The following KMT5B variants were observed in gnomAD, a reference collection of about 807,000 sequenced individuals.
The protein encoded by KMT5B is histone-lysine N-methyltransferase KMT5B.
KMT5B carries 10 observed loss-of-function variants against 83.2 expected under a neutral mutation model. That is an observed-to-expected ratio of 0.12 (90% CI 0.07 to 0.20). The LOEUF (loss-of-function observed/expected upper bound fraction) is 0.20. KMT5B is among the 10% of genes least tolerant of loss of function. The probability of loss-of-function intolerance (pLI) is 1.00; values close to 1 mark genes in which losing one functional copy is unlikely to be tolerated. For synonymous variants in KMT5B, 349 were observed against 388.8 expected (o/e 0.90, Z 1.20); for missense variants, 753 against 1,067.2 (o/e 0.71, Z 4.10).
At chr11:68,209,867 C>CT (rs368207944) in intron 1 of KMT5B, among the ~76,000 whole-genome samples, 2,053 of 141,408 alleles carry the variant, frequency 0.015, 10 homozygotes, top group Middle Eastern at 0.023. Flanking sequence ...TTCTTTCCCC[C>CT]TTTTTTTTTT....
At position 68,157,639 on chromosome 11, in the gene KMT5B, T is replaced by A; in HGVS notation, c.*49A>T. ...CAGTTGAGGAATAATTGACTGGAAT[T>A]TTTTATTTCTTTAAAGTAGTTATCC... On this transcript the variant is annotated 3_prime_UTR_variant, in exon 11 of 11. Transcript: ENST00000304363. 6.7e-7 allele frequency: 1 copy of A among 1,492,250 alleles called. No individual in the cohort carries two copies. The highest frequency in any genetic ancestry group is 8.9e-7 in the Non-Finnish European group (1 of 1,125,052). 92.4% of individuals were successfully genotyped at this position (1,492,250 alleles called of 1,614,324 possible).
chr11:68,211,227 GT>G (rs2153094660), intron 1 of KMT5B, among the ~76,000 whole-genome samples: 1 of 152,230 alleles, frequency 6.6e-6, no homozygotes, highest in South Asian at 2.1e-4. Context: ...GTCTCTCCCT[GT>G]CAGAGTCCGC....
intron 1 of KMT5B, among the ~76,000 whole-genome samples, chr11:68,198,473 AAG>A (rs1859004799): frequency 8.7e-6 from 1 of 115,554 alleles, no homozygotes; most frequent in South Asian, 2.5e-4. Context: ...AAGACAAGAC[AAG>A]ACAAGACAAG....
chr11:68,184,905 G>A lies in KMT5B; in HGVS notation c.308+876C>T, dbSNP rs1158753343. 3.9e-5 allele frequency among the ~76,000 whole-genome samples: 6 copies of A among 152,168 alleles called. No individual in the cohort carries two copies. In the East Asian group the frequency reaches 9.6e-4, roughly 24 times the overall value. On this transcript the variant is annotated intron_variant, in intron 3 of 10. Transcript: ENST00000304363. ...AAAGATGACAGATTTCAAGATTAAT[G>A]TAATAATGTTTTTTATATACAGCAT...
chr11:68,171,688 T>C lies in KMT5B; in HGVS notation c.675A>G (p.Glu225=). The C allele has an allele frequency of 6.2e-7, 1 of 1,612,694 alleles. No individual in the cohort carries two copies. Among genetic ancestry groups the C allele is most frequent in the South Asian group, 1.1e-5 (1 of 90,630 alleles). The change falls in exon 7 of 11, where the codon GAA becomes GAG. Residue 225 remains glutamate, a synonymous_variant. Coordinates refer to ENST00000304363, the MANE Select transcript of KMT5B (RefSeq NM_017635.5). The surrounding 1 kb of genome is among the most constrained non-coding windows in gnomAD (Gnocchi z 5.1). The stretch of plus-strand genomic sequence containing the variant: ...GTTCGGCAATACAACCCACCAGTAA[T>C]TCTATTTTGTCATTTCGTTTCCTAT... ...TKEWKRNDKI[E]LLVGCIAELS...
At position 68,199,086 on chromosome 11, in the gene KMT5B, G is replaced by C. The variant is rs371374337; in HGVS notation, c.-76-8934C>G. On this transcript the variant is annotated intron_variant, in intron 1 of 10. Coordinates refer to ENST00000304363, the MANE Select transcript of KMT5B (RefSeq NM_017635.5). ...TTGGTGCAAAAGTAATAAAGTAATT[G>C]CGTTGTTTTTTTTTTAGTTACAAAT... 2.8e-4 allele frequency among the ~76,000 whole-genome samples: 42 copies of C among 152,142 alleles called. 1 individual carries two copies. In the South Asian group the frequency reaches 8.7e-3, roughly 31 times the overall value.
chr11:68,165,932 CT>C, intron 10 of KMT5B: 1 of 1,612,886 alleles, frequency 6.2e-7, no homozygotes, highest in Non-Finnish European at 8.5e-7. Context: ...AACACCTTCC[CT>C]TTTCTTCAGG....
At chr11:68,208,340 G>A (rs1476748462) in intron 1 of KMT5B, among the ~76,000 whole-genome samples, 3 of 150,816 alleles carry the variant, frequency 2.0e-5, no homozygotes, top group Non-Finnish European at 3.0e-5. Context: ...CCAGCTACTC[G>A]GGAGGCTGAG....
chr11:68,182,248 C>T (rs1857005901), intron 3 of KMT5B, among the ~76,000 whole-genome samples: 1 of 152,160 alleles, frequency 6.6e-6, no homozygotes, highest in Non-Finnish European at 1.5e-5. Context: ...TTTTTATCCA[C>T]TTAGCACGTC....
intron 1 of KMT5B, among the ~76,000 whole-genome samples, chr11:68,205,556 T>A (rs960723206): frequency 2.6e-5 from 4 of 152,140 alleles, no homozygotes; most frequent in Non-Finnish European, 4.4e-5. Flanking sequence ...GAATTTCTCA[T>A]TGAGCAAAAC....
At chr11:68,200,080 G>A (rs1224845080) in intron 1 of KMT5B, among the ~76,000 whole-genome samples, 1 of 152,108 alleles carries the variant, frequency 6.6e-6, no homozygotes, top group East Asian at 1.9e-4. Context: ...CTGGATACCA[G>A]GGTCTGGAGT....
At chr11:68,162,049 T>A (rs1854913851) in intron 10 of KMT5B, among the ~76,000 whole-genome samples, 1 of 152,166 alleles carries the variant, frequency 6.6e-6, no homozygotes, top group Admixed American at 6.5e-5. Flanking sequence ...CCTCCTTGAC[T>A]CCTGCTCTCC....
chr11:68,189,946 T>C lies in KMT5B; in HGVS notation c.131A>G (p.Lys44Arg). 1.2e-6 allele frequency: 2 copies of C among 1,614,232 alleles called. No individual in the cohort carries two copies. Among genetic ancestry groups the C allele is most frequent in the Non-Finnish European group, 1.7e-6 (2 of 1,180,046 alleles). Residue 44 changes from lysine to arginine, a missense_variant, in exon 2 of 11, where the codon AAA (lysine) becomes AGA (arginine). Coordinates refer to ENST00000304363, the MANE Select transcript of KMT5B (RefSeq NM_017635.5). ...HTGKDTLKAG[K>R]NAVERRSNRC... is the part of the protein sequence containing the mutation. ...GTTCGACCTCCTCTCGACTGCATTT[T>C]TGCCAGCCTTCAGGGTGTCCTTCCC...
chr11:68,162,225 G>A (rs928400978), intron 10 of KMT5B, among the ~76,000 whole-genome samples: 2 of 152,166 alleles, frequency 1.3e-5, no homozygotes, highest in African/African-American at 4.8e-5. Flanking sequence ...CCACCACATA[G>A]CCAGGATGAC....
chr11:68,170,037 T>C (rs965583573), intron 9 of KMT5B, among the ~76,000 whole-genome samples: 1 of 152,158 alleles, frequency 6.6e-6, no homozygotes, highest in Non-Finnish European at 1.5e-5. Flanking sequence ...CACCACACAG[T>C]TGGAAATCCC....
chr11:68,193,186 T>C (rs1858292490), intron 1 of KMT5B, among the ~76,000 whole-genome samples: 1 of 152,176 alleles, frequency 6.6e-6, no homozygotes, highest in Admixed American at 6.5e-5. Context: ...AATTTGCAAA[T>C]GAAACTGAGG....
intron 1 of KMT5B, among the ~76,000 whole-genome samples, chr11:68,212,113 C>T (rs1357185835): frequency 6.6e-6 from 1 of 152,118 alleles, no homozygotes; most frequent in Non-Finnish European, 1.5e-5. Flanking sequence ...ATATTATAGG[C>T]GTGTTCTCAA....
At chr11:68,161,186 T>C (rs1247876649) in intron 10 of KMT5B, among the ~76,000 whole-genome samples, 1 of 152,292 alleles carries the variant, frequency 6.6e-6, no homozygotes, top group African/African-American at 2.4e-5. Flanking sequence ...TACAGAACTA[T>C]GTGATAGCAA....
intron 1 of KMT5B, among the ~76,000 whole-genome samples, chr11:68,206,576 T>A (rs1860139997): frequency 6.6e-6 from 1 of 152,126 alleles, no homozygotes; most frequent in Non-Finnish European, 1.5e-5. Context: ...CCCAGCAGTG[T>A]GAGCAGACGA....
Sources: gnomAD v4.1 joint callset for allele counts (sites outside exome capture counted in the v4.1 genomes callset) on GRCh38, gnomAD v4.1.1 for gene constraint, Gnocchi (gnomAD v3.1) non-coding constraint, MANE v1.5 for transcripts, NCBI Gene and HGNC (gene_info 2026-07-23, HGNC 2026-07-21) for gene names.